Variants in SMARCA1 observed in about 807,000 individuals in gnomAD.
The protein encoded by SMARCA1 is SNF2 related chromatin remodeling ATPase 1, also known as SWI/SNF-related matrix-associated actin-dependent regulator of chromatin subfamily A member 1.
In SMARCA1, 17 loss-of-function variants were observed where a neutral mutation model predicts 93.6. The ratio of observed to expected loss-of-function variants is 0.18; its 90% CI spans 0.12 to 0.27. The LOEUF (loss-of-function observed/expected upper bound fraction) is 0.27, where lower values mean the gene tolerates loss of function less well. Among genes scored for constraint, SMARCA1 ranks in the 10% least tolerant of loss-of-function variants. SMARCA1 has a pLI of 1.00. For synonymous variants in SMARCA1, 271 were observed against 271.4 expected, an observed-to-expected ratio of 1.00 and a Z score of 0.01; for missense variants, 630 against 819.0, an observed-to-expected ratio of 0.77 and a Z score of 2.82.
At chrX:129,476,879 C>G (rs1184224914) in intron 19 of SMARCA1, among the ~76,000 whole-genome samples, 1 of 111,724 alleles carries the variant, frequency 9.0e-6, no homozygotes, top group Non-Finnish European at 1.9e-5. Context: ...TCTGTCTATT[C>G]TCTGAACTCA....
chrX:129,507,804 G>C (rs768473358), intron 7 of SMARCA1, 137 bp downstream of exon 7: 12 of 406,516 alleles, frequency 3.0e-5, no homozygotes, highest in Non-Finnish European at 3.7e-5. Context: ...CGCCCTCCTC[G>C]GCCTCCCAAA....
chrX:129,523,166 T>C (rs760959078), intron 1 of SMARCA1, 31 bp downstream of exon 1: 3 of 1,203,959 alleles, frequency 2.5e-6, no homozygotes, highest in Non-Finnish European at 3.4e-6. Flanking sequence ...ACAGGATTTG[T>C]CCACCACACA....
intron 17 of SMARCA1, among the ~76,000 whole-genome samples, chrX:129,486,507 G>A (rs1344099176): frequency 1.8e-5 from 2 of 111,690 alleles, no homozygotes; most frequent in African/African-American, 3.2e-5. Context: ...CTGCATTTAA[G>A]TAACTAAATG....
rs761729918 is a variant in SMARCA1 at position 129,454,186 on chromosome X, T to A, written c.3031-5743A>T. Among the ~76,000 whole-genome samples the A allele has an allele frequency of 5.4e-5, 6 of 111,942 alleles. No individual in the cohort carries two copies. In the East Asian group the frequency reaches 1.7e-3, roughly 31 times the overall value. ...TGACAAACCTGACAAAAACAAGCAATGGGGAAAGGATTCCCTATTTAATAA... is the reference window on the plus strand; with the variant it reads ...TGACAAACCTGACAAAAACAAGCAAAGGGGAAAGGATTCCCTATTTAATAA... On this transcript the variant is annotated intron_variant, in intron 23 of 24. Coordinates refer to ENST00000371121, the MANE Select transcript of SMARCA1 (RefSeq NM_001282874.2).
intron 16 of SMARCA1, 121 bp from the exon 17 acceptor site, chrX:129,487,258 G>T: frequency 2.1e-6 from 1 of 470,859 alleles, no homozygotes; most frequent in Non-Finnish European, 3.4e-6. Context: ...TAATTTACAA[G>T]GTATGAATGC....
chrX:129,496,962 G>A lies in SMARCA1; in HGVS notation c.1505-91C>T, dbSNP rs543548121. The A allele has an allele frequency of 7.3e-5, 59 of 804,351 alleles. No homozygotes were observed. The South Asian group carries it at 1.2e-3, about 17-fold the overall frequency. The allele number at this position is 804,351 out of a possible 1,213,427, so 66.3% of individuals were successfully genotyped here. ...AATAAACATATGCAACATAAATGTA[G>A]AGCACATGAACACTCCACTAACGCA... On this transcript the variant is annotated intron_variant, in intron 11 of 24. Transcript: ENST00000371121.
At position 129,506,090 on chromosome X, in the gene SMARCA1, T is replaced by C; in HGVS notation, c.1088A>G (p.Asn363Ser). 8.3e-7 allele frequency: 1 copy of C among 1,198,251 alleles called. No homozygotes were observed. The highest frequency in any genetic ancestry group is 1.1e-6 in the Non-Finnish European group (1 of 884,838). Residue 363 changes from asparagine to serine, a missense_variant, in exon 8 of 25, where the codon AAT (asparagine) becomes AGT (serine). Asn to Ser is a conservative substitution (Grantham distance 46). Coordinates refer to ENST00000371121, the MANE Select transcript of SMARCA1 (RefSeq NM_001282874.2). ...ATGGCTTAAACTTACATCTGCAGAA[T>C]TAAAGACATCAGGCAATAAAAAGTT... ...LLNFLLPDVF[N>S]SADDFDSWFD...
chrX:129,452,500 A>G (rs1859293930), intron 23 of SMARCA1, among the ~76,000 whole-genome samples: 1 of 112,682 alleles, frequency 8.9e-6, no homozygotes, highest in African/African-American at 3.2e-5. Context: ...TCAAATGTGT[A>G]TGGGAAATGT....
At chrX:129,503,582 T>C (rs778057996) in intron 9 of SMARCA1, among the ~76,000 whole-genome samples, 1 of 111,283 alleles carries the variant, frequency 9.0e-6, no homozygotes, top group African/African-American at 3.3e-5. Context: ...GTCTGGGGAT[T>C]AGAGGTCTCT....
intron 2 of SMARCA1, among the ~76,000 whole-genome samples, chrX:129,517,196 C>T (rs1433863628): frequency 9.0e-6 from 1 of 110,807 alleles, no homozygotes; most frequent in East Asian, 2.8e-4. Flanking sequence ...AGTTTATTAA[C>T]TATTAAAAGT....
At chrX:129,466,358 T>C (rs1250947660) in intron 21 of SMARCA1, among the ~76,000 whole-genome samples, 1 of 111,374 alleles carries the variant, frequency 9.0e-6, no homozygotes, top group Admixed American at 9.6e-5. Flanking sequence ...CTTCCTAGCA[T>C]GCGAAAACAA....
At chrX:129,468,084 C>T (rs1932969212) in intron 21 of SMARCA1, among the ~76,000 whole-genome samples, 1 of 112,214 alleles carries the variant, frequency 8.9e-6, no homozygotes, top group Non-Finnish European at 1.9e-5. Context: ...CAAAGCGCTG[C>T]GCCCTCTTGG....
At chrX:129,497,103 C>A (rs1934367536) in intron 11 of SMARCA1, among the ~76,000 whole-genome samples, 1 of 110,854 alleles carries the variant, frequency 9.0e-6, no homozygotes. Flanking sequence ...TCAAAATCCT[C>A]CACACATATT....
intron 14 of SMARCA1, among the ~76,000 whole-genome samples, chrX:129,491,150 A>G (rs1198754572): frequency 8.9e-6 from 1 of 111,994 alleles, no homozygotes; most frequent in African/African-American, 3.2e-5. Context: ...TCAATTCTCT[A>G]TTATAAAAGG....
chrX:129,467,477 T>C (rs1336750922), intron 21 of SMARCA1, among the ~76,000 whole-genome samples: 1 of 111,322 alleles, frequency 9.0e-6, no homozygotes, highest in Non-Finnish European at 1.9e-5. Context: ...TCAATCTATT[T>C]TTTCCCCTAA....
At chrX:129,486,004 A>G (rs1933871407) in intron 17 of SMARCA1, among the ~76,000 whole-genome samples, 1 of 111,802 alleles carries the variant, frequency 8.9e-6, no homozygotes, top group African/African-American at 3.3e-5. Context: ...ACAGCAACAC[A>G]AATGTGCTAA....
At chrX:129,448,128 C>T (rs1048901373) in intron 24 of SMARCA1, among the ~76,000 whole-genome samples, 12 of 110,868 alleles carry the variant, frequency 1.1e-4, no homozygotes, top group Non-Finnish European at 2.1e-4. Context: ...AGCCTAGTTA[C>T]TAGGGAGTTC....
intron 1 of SMARCA1, among the ~76,000 whole-genome samples, chrX:129,521,021 G>A (rs1781025336): frequency 9.1e-6 from 1 of 109,344 alleles, no homozygotes; most frequent in Admixed American, 9.7e-5. Flanking sequence ...GGGATTACAG[G>A]TGCCTGCCAC....
At chrX:129,505,497 G>A (rs1319886927) in intron 8 of SMARCA1, among the ~76,000 whole-genome samples, 2 of 110,920 alleles carry the variant, frequency 1.8e-5, no homozygotes, top group African/African-American at 3.3e-5. Context: ...GGGGGACAGA[G>A]TGAGACTCCC....
Sources: allele counts gnomAD v4.1 joint callset (sites outside exome capture counted in the v4.1 genomes callset), GRCh38; gene constraint gnomAD v4.1.1; transcripts MANE v1.5; gene names NCBI Gene and HGNC (gene_info 2026-07-23, HGNC 2026-07-21).